Variants in SNX14 observed in about 807,000 individuals in gnomAD.
SNX14 encodes sorting nexin-14.
Under a neutral mutation model 133.8 loss-of-function variants are expected in SNX14, and 93 were observed. The observed-to-expected ratio is 0.70, with a 90% confidence interval of 0.59 to 0.83. The LOEUF (loss-of-function observed/expected upper bound fraction) is 0.83, where lower values mean the gene tolerates loss of function less well. Ranked by LOEUF, SNX14 falls within the 40% of genes least tolerant of loss-of-function variation. SNX14 has a pLI of 0.00. For synonymous variants in SNX14, 368 were observed against 365.6 expected, an observed-to-expected ratio of 1.01 and a Z score of -0.07; for missense variants, 945 against 1,094.9, an observed-to-expected ratio of 0.86 and a Z score of 1.93.
At chr6:85,548,664 G>A (rs1015554007) in intron 8 of SNX14, among the ~76,000 whole-genome samples, 43 of 152,122 alleles carry the variant, frequency 2.8e-4, no homozygotes, top group African/African-American at 8.9e-4. Context: ...GAACTTGGGG[G>A]ACATTAGGAA....
intron 13 of SNX14, 82 bp from the exon 14 acceptor site, chr6:85,543,388 C>T (rs1297816761): frequency 7.9e-7 from 1 of 1,258,434 alleles, no homozygotes; most frequent in Non-Finnish European, 1.1e-6. Flanking sequence ...TGAAACTCCA[C>T]TGAAACACAC....
At chr6:85,578,304 T>A (rs1398090130) in intron 1 of SNX14, among the ~76,000 whole-genome samples, 1 of 152,186 alleles carries the variant, frequency 6.6e-6, no homozygotes, top group Non-Finnish European at 1.5e-5. Flanking sequence ...GTAACAAGAA[T>A]TAAAAGCCAT....
chr6:85,522,776 G>C (rs1777301952), intron 21 of SNX14, among the ~76,000 whole-genome samples: 1 of 152,010 alleles, frequency 6.6e-6, no homozygotes, highest in African/African-American at 2.4e-5. Flanking sequence ...GACACATTCG[G>C]CCATAACTTA....
intron 21 of SNX14, among the ~76,000 whole-genome samples, chr6:85,525,415 CAAAACA>C (rs1277022738): frequency 6.6e-6 from 1 of 152,002 alleles, no homozygotes; most frequent in Non-Finnish European, 1.5e-5. Context: ...ATGAAAAATT[CAAAACA>C]AATTAACAAT....
chr6:85,587,041 A>T (rs9450303), intron 1 of SNX14, among the ~76,000 whole-genome samples: 2 of 151,954 alleles, frequency 1.3e-5, no homozygotes, highest in Non-Finnish European at 2.9e-5. Context: ...GTGAGACTCC[A>T]TCTCAAAAAA....
chr6:85,531,267 A>G (rs1452831998), intron 18 of SNX14, among the ~76,000 whole-genome samples: 1 of 152,200 alleles, frequency 6.6e-6, no homozygotes, highest in African/African-American at 2.4e-5. Flanking sequence ...AACAAATAAC[A>G]CCACTGTATC....
At chr6:85,509,606 C>T (rs1772057479) in intron 26 of SNX14, among the ~76,000 whole-genome samples, 1 of 152,148 alleles carries the variant, frequency 6.6e-6, no homozygotes, top group Non-Finnish European at 1.5e-5. Flanking sequence ...CCTGTCTTGT[C>T]TCCCCGACTA....
intron 6 of SNX14, among the ~76,000 whole-genome samples, chr6:85,560,446 G>A (rs952337336): frequency 9.2e-5 from 14 of 152,154 alleles, no homozygotes; most frequent in Non-Finnish European, 1.6e-4. Context: ...CAAATCCATA[G>A]ATATACAAAG....
intron 26 of SNX14, among the ~76,000 whole-genome samples, chr6:85,509,336 T>TAA (rs11381633): frequency 1.8e-4 from 28 of 151,572 alleles, no homozygotes; most frequent in Non-Finnish European, 1.0e-4. Flanking sequence ...AGAAAACAGG[T>TAA]AAAAAAAAAT....
chr6:85,505,917 C>G lies in SNX14; in HGVS notation c.*50G>C. 7.7e-7 allele frequency: 1 copy of G among 1,304,368 alleles called. No individual in the cohort carries two copies. The highest frequency in any genetic ancestry group is 1.2e-5 in the South Asian group (1 of 84,514). The allele number at this position is 1,304,368 out of a possible 1,614,324, so 80.8% of individuals were successfully genotyped here. On this transcript the variant is annotated 3_prime_UTR_variant, in exon 29 of 29. Transcript: ENST00000314673. Reference sequence around the variant, plus strand: ...ACCCAAAAAAGTAAATTTCTACCACCCTCGCACAGCAGAAATTTCAATGGG... The same window carrying G: ...ACCCAAAAAAGTAAATTTCTACCACGCTCGCACAGCAGAAATTTCAATGGG...
intron 15 of SNX14, among the ~76,000 whole-genome samples, chr6:85,539,978 T>G (rs1783140717): frequency 6.7e-6 from 1 of 150,314 alleles, no homozygotes. Context: ...TTATTTTATT[T>G]TAATTGAGGC....
intron 20 of SNX14, among the ~76,000 whole-genome samples, chr6:85,527,373 T>C (rs1241454334): frequency 1.4e-5 from 2 of 145,246 alleles, no homozygotes; most frequent in East Asian, 4.0e-4. Flanking sequence ...CAAAAATTTA[T>C]ACAGAAGATA....
chr6:85,506,477 G>A (rs898102124), intron 28 of SNX14, among the ~76,000 whole-genome samples: 1 of 151,990 alleles, frequency 6.6e-6, no homozygotes, highest in Non-Finnish European at 1.5e-5. Context: ...CCACCAAACC[G>A]AGATAACTTT....
chr6:85,568,749 T>C (rs1476013069), intron 4 of SNX14, among the ~76,000 whole-genome samples: 2 of 152,182 alleles, frequency 1.3e-5, no homozygotes, highest in Non-Finnish European at 2.9e-5. Flanking sequence ...AGTTTAAATA[T>C]TAAGTGAACA....
rs556407765 is a variant in SNX14 at position 85,521,488 on chromosome 6, ACTGTATT to A, written c.2108-3447_2108-3441del. Among the ~76,000 whole-genome samples the A allele has an allele frequency of 6.9e-3, 1,043 of 151,614 alleles. 13 individuals carry two copies. The highest frequency in any genetic ancestry group is 0.024 in the African/African-American group (992 of 41,318). On this transcript the variant is annotated intron_variant, in intron 21 of 28. Transcript: ENST00000314673. ...TTATTTTTCTTCTGTCCATTTTTCT[ACTGTATT>A]GTCTTCTAACTGAATTTGCAATATT...
chr6:85,565,760 A>G (rs950209809), intron 5 of SNX14, among the ~76,000 whole-genome samples: 29 of 152,350 alleles, frequency 1.9e-4, no homozygotes, highest in Non-Finnish European at 2.9e-4. Context: ...ATTTTGGAGA[A>G]GCAATAGAAT....
chr6:85,536,665 G>GATAA, intron 17 of SNX14, 127 bp downstream of exon 17: 1 of 800,926 alleles, frequency 1.2e-6, no homozygotes, highest in Non-Finnish European at 1.8e-6. Context: ...GAAGTAAGAA[G>GATAA]ATAAAGGTAA....
In SNX14 at chr6:85,549,683, T is replaced by A. The variant is rs747094312; in HGVS notation, c.791+40A>T. Reference sequence around the variant, plus strand: ...CAAAAATAGCAATATACATATGGCATGTTATGCAAATACTATTATATTGTC... The same window carrying A: ...CAAAAATAGCAATATACATATGGCAAGTTATGCAAATACTATTATATTGTC... On this transcript the variant is annotated intron_variant, in intron 8 of 28. Coordinates refer to ENST00000314673, the MANE Select transcript of SNX14 (RefSeq NM_153816.6). 1.9e-6 allele frequency: 3 copies of A among 1,544,552 alleles called. No homozygotes were observed. The South Asian group carries it at 3.8e-5, about 20-fold the overall frequency.
chr6:85,548,213 A>C (rs536586487), intron 9 of SNX14, 88 bp downstream of exon 9: 2 of 908,350 alleles, frequency 2.2e-6, no homozygotes, highest in South Asian at 3.0e-5. Flanking sequence ...TTTCAGTATC[A>C]CTGACTATAT....
Sources: allele counts gnomAD v4.1 joint callset (sites outside exome capture counted in the v4.1 genomes callset), GRCh38; gene constraint gnomAD v4.1.1; transcripts MANE v1.5; gene names NCBI Gene and HGNC (gene_info 2026-07-23, HGNC 2026-07-21).